Variants in ZCCHC7 observed in about 807,000 individuals in gnomAD.
ZCCHC7 encodes the protein zinc finger CCHC-type containing 7.
ZCCHC7 carries 35 observed loss-of-function variants against 52.0 expected under a neutral mutation model. That is an observed-to-expected ratio of 0.67 (90% CI 0.51 to 0.89). The LOEUF (loss-of-function observed/expected upper bound fraction) is 0.89, where lower values mean the gene tolerates loss of function less well. Ranked by LOEUF, ZCCHC7 falls within the 40% of genes least tolerant of loss-of-function variation. The pLI is 0.00. For missense variants in ZCCHC7, 574 were observed against 649.1 expected (o/e 0.88, Z 1.26); for synonymous variants, 217 against 221.5 (o/e 0.98, Z 0.18).
At chr9:37,161,376 C>T (rs1385384631) in intron 2 of ZCCHC7, among the ~76,000 whole-genome samples, 1 of 152,056 alleles carries the variant, frequency 6.6e-6, no homozygotes, top group Non-Finnish European at 1.5e-5. Flanking sequence ...AGATCGAGAC[C>T]ATCCTGGCTA....
chr9:37,260,744 A>G (rs1826825144), intron 2 of ZCCHC7, among the ~76,000 whole-genome samples: 1 of 152,206 alleles, frequency 6.6e-6, no homozygotes, highest in African/African-American at 2.4e-5. Flanking sequence ...GTTTTAAAAC[A>G]TGCTACCTTC....
intron 2 of ZCCHC7, among the ~76,000 whole-genome samples, chr9:37,154,035 A>G (rs1365465811): frequency 1.3e-5 from 2 of 152,056 alleles, no homozygotes; most frequent in African/African-American, 2.4e-5. Context: ...GACCACAGGC[A>G]TGCACCATCA....
intron 2 of ZCCHC7, among the ~76,000 whole-genome samples, chr9:37,283,249 A>G (rs572656322): frequency 3.9e-5 from 6 of 152,276 alleles, no homozygotes; most frequent in South Asian, 2.1e-4. Context: ...TAGGTAGTCA[A>G]TGTCTATCCA....
chr9:37,160,886 CA>C (rs945777215), intron 2 of ZCCHC7, among the ~76,000 whole-genome samples: 2 of 150,410 alleles, frequency 1.3e-5, no homozygotes, highest in Non-Finnish European at 3.0e-5. Context: ...AACTCCATCT[CA>C]AAAAAAACCA....
intron 2 of ZCCHC7, among the ~76,000 whole-genome samples, chr9:37,249,706 C>T (rs1300537172): frequency 6.6e-6 from 1 of 152,066 alleles, no homozygotes. Flanking sequence ...TCCTCGGCCT[C>T]CCAAAATGCT....
At chr9:37,131,602 G>T (rs1842786799) in intron 2 of ZCCHC7, among the ~76,000 whole-genome samples, 1 of 152,148 alleles carries the variant, frequency 6.6e-6, no homozygotes, top group African/African-American at 2.4e-5. Context: ...CCGAGATTGT[G>T]CAACTGCACT....
intron 2 of ZCCHC7, among the ~76,000 whole-genome samples, chr9:37,290,408 C>A (rs1459382892): frequency 6.6e-6 from 1 of 152,160 alleles, no homozygotes; most frequent in Non-Finnish European, 1.5e-5. Flanking sequence ...GTAATCCCAG[C>A]ACTTTTGGAG....
chr9:37,177,943 A>G (rs1822133769), intron 2 of ZCCHC7, among the ~76,000 whole-genome samples: 1 of 152,216 alleles, frequency 6.6e-6, no homozygotes, highest in Admixed American at 6.5e-5. Flanking sequence ...GAAAAAAATT[A>G]AAAACTAAAG....
intron 2 of ZCCHC7, among the ~76,000 whole-genome samples, chr9:37,165,777 T>C (rs974707445): frequency 6.6e-6 from 1 of 152,112 alleles, no homozygotes; most frequent in African/African-American, 2.4e-5. Flanking sequence ...AGTGTGAAAA[T>C]AAAATATAAA....
chr9:37,277,022 A>G (rs970974973), intron 2 of ZCCHC7, among the ~76,000 whole-genome samples: 1 of 152,186 alleles, frequency 6.6e-6, no homozygotes, highest in African/African-American at 2.4e-5. Flanking sequence ...CCTATTGATG[A>G]TTTTCATTTT....
chr9:37,218,701 C>T (rs551563929), intron 2 of ZCCHC7, among the ~76,000 whole-genome samples: 1 of 152,280 alleles, frequency 6.6e-6, no homozygotes, highest in Middle Eastern at 3.4e-3. Context: ...CCCAGCTACT[C>T]AGGAGGCTGA....
At chr9:37,249,011 C>T (rs1826199474) in intron 2 of ZCCHC7, among the ~76,000 whole-genome samples, 1 of 152,300 alleles carries the variant, frequency 6.6e-6, no homozygotes, top group Non-Finnish European at 1.5e-5. Context: ...GTGGATATCT[C>T]ATATCTTCTT....
intron 2 of ZCCHC7, among the ~76,000 whole-genome samples, chr9:37,274,007 T>C (rs1323196643): frequency 1.3e-5 from 2 of 152,172 alleles, no homozygotes; most frequent in African/African-American, 2.4e-5. Flanking sequence ...TTTTAAAAAG[T>C]TGCAAAAATA....
chr9:37,296,919 G>GTGTA (rs1161556614), intron 2 of ZCCHC7, among the ~76,000 whole-genome samples: 3 of 151,214 alleles, frequency 2.0e-5, no homozygotes, highest in Non-Finnish European at 4.4e-5. Flanking sequence ...GTGTGTGTGT[G>GTGTA]TGTGTGTGTT....
intron 8 of ZCCHC7, 114 bp from the exon 9 acceptor site, chr9:37,356,721 T>G: frequency 1.0e-6 from 1 of 972,970 alleles, no homozygotes; most frequent in Non-Finnish European, 1.5e-6. Context: ...GATGTCATAC[T>G]GTTAACATGT....
chr9:37,299,202 G>T (rs1040170175), intron 2 of ZCCHC7, among the ~76,000 whole-genome samples: 2 of 152,160 alleles, frequency 1.3e-5, no homozygotes, highest in Non-Finnish European at 2.9e-5. Flanking sequence ...CTATGGCATT[G>T]GGTGGTGGAC....
At chr9:37,328,812 A>G (rs1371737896) in intron 6 of ZCCHC7, among the ~76,000 whole-genome samples, 1 of 151,952 alleles carries the variant, frequency 6.6e-6, no homozygotes, top group African/African-American at 2.4e-5. Flanking sequence ...GAGGCCATAA[A>G]TTATATAAGG....
intron 6 of ZCCHC7, among the ~76,000 whole-genome samples, chr9:37,346,400 G>A (rs1206891337): frequency 6.6e-6 from 1 of 152,106 alleles, no homozygotes; most frequent in Non-Finnish European, 1.5e-5. Flanking sequence ...AAAATTAGGG[G>A]GCCTGGGCAC....
At chr9:37,292,007 T>C (rs904008952) in intron 2 of ZCCHC7, among the ~76,000 whole-genome samples, 1 of 152,212 alleles carries the variant, frequency 6.6e-6, no homozygotes, top group African/African-American at 2.4e-5. Flanking sequence ...TTTACAGTTA[T>C]TAAGCAAAGA....
Sources: gnomAD v4.1 joint callset for allele counts (sites outside exome capture counted in the v4.1 genomes callset) on GRCh38, gnomAD v4.1.1 for gene constraint, MANE v1.5 for transcripts, NCBI Gene and HGNC (gene_info 2026-07-23, HGNC 2026-07-21) for gene names.